NEK9: variants seen among roughly 807,000 people sequenced by gnomAD.
NEK9 encodes NIMA related kinase 9.
A neutral mutation model predicts 123.4 loss-of-function variants in NEK9; 75 were observed. The observed-to-expected ratio is 0.61, with a 90% CI of 0.50 to 0.74. NEK9 has a LOEUF of 0.74. Among genes scored for constraint, NEK9 ranks in the 30% least tolerant of loss-of-function variants. NEK9 has a pLI of 0.00. For synonymous variants in NEK9, 438 were observed against 458.7 expected (o/e 0.95, Z 0.58); for missense variants, 952 against 1,214.4 (o/e 0.78, Z 3.21).
At chr14:75,109,964 C>G in intron 9 of NEK9, 87 bp from the exon 10 acceptor site, 1 of 1,279,662 alleles carries the variant, frequency 7.8e-7, no homozygotes, top group Non-Finnish European at 1.1e-6. Context: ...CTGAGAAGAA[C>G]TGCCAATTAT....
chr14:75,104,475 ATTTTC>A (rs1012212225), intron 13 of NEK9, among the ~76,000 whole-genome samples: 5 of 111,264 alleles, frequency 4.5e-5, no homozygotes, highest in Admixed American at 3.1e-4. Context: ...TGAGACTACT[ATTTTC>A]TTTTCTTCTT....
intron 10 of NEK9, 69 bp downstream of exon 10, chr14:75,109,616 T>C: frequency 7.1e-7 from 1 of 1,410,632 alleles, no homozygotes; most frequent in Non-Finnish European, 9.8e-7. Context: ...AATAAAATGC[T>C]TAGACATCGT....
At chr14:75,087,275 C>T in intron 20 of NEK9, 45 bp from the exon 21 acceptor site, 1 of 1,476,452 alleles carries the variant, frequency 6.8e-7, no homozygotes, top group Non-Finnish European at 9.3e-7. Context: ...GCCCAGGTGT[C>T]ATAGCTCCTC....
chr14:75,091,216 G>C, intron 19 of NEK9, 54 bp downstream of exon 19: 1 of 1,464,908 alleles, frequency 6.8e-7, no homozygotes, highest in South Asian at 1.3e-5. Context: ...GCTCTTTCTA[G>C]TTCCTGCAAA....
chr14:75,099,953 A>C (rs897364470), intron 16 of NEK9, among the ~76,000 whole-genome samples: 5 of 150,584 alleles, frequency 3.3e-5, no homozygotes, highest in African/African-American at 1.2e-4. Context: ...ACATGGTGAA[A>C]CCCTGTCTGT....
In NEK9 at chr14:75,106,673, C is replaced by G; in HGVS notation, c.1357G>C (p.Asp453His). The G allele has an allele frequency of 6.2e-7, 1 of 1,613,942 alleles. No individual in the cohort carries two copies. The highest frequency in any genetic ancestry group is 8.5e-7 in the Non-Finnish European group (1 of 1,180,024). The change falls in exon 12 of 22, where the codon GAT (aspartate) becomes CAT (histidine). Residue 453 changes from aspartate to histidine, a missense_variant. By Grantham distance (81) the Asp-to-His change is moderately conservative. Around this residue, in one of 4 missense-constraint regions of NEK9, gnomAD observed 698 missense variants for 875.6 expected, o/e 0.80. Transcript: ENST00000238616. ...DEGQLYAFGSDYYGCMGVDKV... is the reference protein window; with the variant it reads ...DEGQLYAFGSHYYGCMGVDKV... ...TCCACCCCCATGCAGCCATAATAAT[C>G]TGATCCGAAGGCATAGAGCTGACCC...
chr14:75,084,563 A>C lies in NEK9; in HGVS notation c.*1T>G. On this transcript the variant is annotated 3_prime_UTR_variant, in exon 22 of 22. Coordinates refer to ENST00000238616, the MANE Select transcript of NEK9 (RefSeq NM_033116.6). Reference sequence around the variant, plus strand: ...CCTGGGGGCTCTACAGGCTCAGGAGACTAGAGGCTGGGTCTACAGGAGTCT... The same window carrying C: ...CCTGGGGGCTCTACAGGCTCAGGAGCCTAGAGGCTGGGTCTACAGGAGTCT... The C allele has an allele frequency of 6.2e-7, 1 of 1,614,048 alleles. No homozygotes were observed. Among genetic ancestry groups the C allele is most frequent in the Non-Finnish European group, 8.5e-7 (1 of 1,179,968 alleles).
intron 3 of NEK9, 196 bp from the exon 4 acceptor site, chr14:75,120,776 T>C: frequency 1.7e-6 from 1 of 584,898 alleles, no homozygotes; most frequent in Non-Finnish European, 3.0e-6. Flanking sequence ...AGGTTCCTCA[T>C]AAAATAGTTC....
chr14:75,088,596 G>A lies in NEK9; in HGVS notation c.2488C>T (p.Pro830Ser). ...GATTCTGAAAACGCTGCACTGAGAG[G>A]AGATGGGCTGTCAGGCATGGGGATA... The part of the protein sequence containing the change: ...EFIPMPDSPS[P>S]LSAAFSESEK... The change falls in exon 20 of 22, where the codon CCT (proline) becomes TCT (serine). Residue 830 changes from proline to serine, a missense_variant. Physicochemically the swap from Pro to Ser is moderately conservative, Grantham distance 74. Transcript: ENST00000238616. 4.3e-6 allele frequency: 7 copies of A among 1,614,074 alleles called. No individual in the cohort carries two copies. The highest frequency in any genetic ancestry group is 5.9e-6 in the Non-Finnish European group (7 of 1,179,984).
At chr14:75,123,157 T>C (rs1465605335) in intron 2 of NEK9, among the ~76,000 whole-genome samples, 1 of 152,022 alleles carries the variant, frequency 6.6e-6, no homozygotes, top group Non-Finnish European at 1.5e-5. Flanking sequence ...TCCCAGCACT[T>C]TGGGAGGCGG....
rs1893929758 is a variant in NEK9, at chr14:75,083,595, CTGA to C, written c.*966_*968del. 2 of 152,334 alleles carry C rather than the reference CTGA, an allele frequency of 1.3e-5. No homozygotes were observed. The highest frequency in any genetic ancestry group is 4.8e-5 in the African/African-American group (2 of 41,442). The allele number at this position is 152,334 out of a possible 1,614,324, so 9.4% of individuals were successfully genotyped here. On this transcript the variant is annotated 3_prime_UTR_variant, in exon 22 of 22. Coordinates refer to ENST00000238616, the MANE Select transcript of NEK9 (RefSeq NM_033116.6). ...TTCAGAAAGAAAGTGGTTGGGGCTG[CTGA>C]TATCAAGATCAGAACCCTAAGAGCC...
intron 15 of NEK9, among the ~76,000 whole-genome samples, chr14:75,101,400 C>T (rs1289615608): frequency 1.3e-5 from 2 of 152,144 alleles, no homozygotes; most frequent in East Asian, 1.9e-4. Flanking sequence ...TGAGTACTAC[C>T]TTAGAATACT....
At position 75,084,014 on chromosome 14, in the gene NEK9, C is replaced by A. The variant is rs1316802052; in HGVS notation, c.*550G>T. ...TAACTGAACTTTTTCGAAACAAGCC[C>A]TAGATTGACTCCATCAGACATATTT... On this transcript the variant is annotated 3_prime_UTR_variant, in exon 22 of 22. Transcript: ENST00000238616. 6.4e-6 allele frequency: 1 copy of A among 155,292 alleles called. No homozygotes were observed. The highest frequency in any genetic ancestry group is 1.4e-5 in the Non-Finnish European group (1 of 69,930). The allele number at this position is 155,292 out of a possible 1,614,324, so 9.6% of individuals were successfully genotyped here. A position where few individuals can be genotyped will look rare whatever the true frequency, so the allele number is the denominator to read the frequency against.
intron 11 of NEK9, 84 bp from the exon 12 acceptor site, chr14:75,106,786 C>T: frequency 1.0e-6 from 1 of 994,414 alleles, no homozygotes; most frequent in Middle Eastern, 2.2e-4. Flanking sequence ...GGAATGAGGA[C>T]TACCCCAGCA....
At chr14:75,108,956 A>C (rs773517023) in intron 10 of NEK9, among the ~76,000 whole-genome samples, 8 of 152,212 alleles carry the variant, frequency 5.3e-5, no homozygotes, top group Non-Finnish European at 7.3e-5. Context: ...GCTATCACAG[A>C]AGGCAAGTAA....
At chr14:75,099,694 A>C (rs750469992) in intron 16 of NEK9, among the ~76,000 whole-genome samples, 1 of 151,080 alleles carries the variant, frequency 6.6e-6, no homozygotes, top group Non-Finnish European at 1.5e-5. Flanking sequence ...AGGCAGGAGA[A>C]TCGCTTGAAC....
At chr14:75,111,306 G>A (rs1894951661) in intron 8 of NEK9, among the ~76,000 whole-genome samples, 1 of 152,158 alleles carries the variant, frequency 6.6e-6, no homozygotes, top group African/African-American at 2.4e-5. Context: ...TGAGCTCCTA[G>A]AGTAGTGCTC....
At chr14:75,089,563 T>C (rs564266010) in intron 19 of NEK9, among the ~76,000 whole-genome samples, 19 of 150,416 alleles carry the variant, frequency 1.3e-4, no homozygotes, top group Non-Finnish European at 2.2e-4. Context: ...TGAGATGGAG[T>C]CTCACTCTGT....
Position 75,082,643 on chromosome 14 carries a change from C to T in NEK9, c.*1921G>A, listed in dbSNP as rs1893899994. 4.4e-6 allele frequency: 1 copy of T among 228,820 alleles called. No individual in the cohort carries two copies. The highest frequency in any genetic ancestry group is 5.7e-5 in the Admixed American group (1 of 17,482). 14.2% of individuals were successfully genotyped at this position (228,820 alleles called of 1,614,324 possible). A position where few individuals can be genotyped will look rare whatever the true frequency, so the allele number is the denominator to read the frequency against. On this transcript the variant is annotated 3_prime_UTR_variant, in exon 22 of 22. Transcript: ENST00000238616. ...ACCCACCCCCGGCACTCACTTTCACCCCACCTTCTCAGCAACCTGCCCATG... is the reference window on the plus strand; with the variant it reads ...ACCCACCCCCGGCACTCACTTTCACTCCACCTTCTCAGCAACCTGCCCATG...
Sources: gnomAD v4.1 joint callset for allele counts (sites outside exome capture counted in the v4.1 genomes callset) on GRCh38, gnomAD v4.1.1 for gene constraint, gnomAD v4.1.1 regional missense constraint, MANE v1.5 for transcripts, NCBI Gene and HGNC (gene_info 2026-07-23, HGNC 2026-07-21) for gene names.